NREP: variants seen among roughly 807,000 people sequenced by gnomAD.
The protein encoded by NREP is neuronal regeneration related protein, also known as neuronal regeneration-related protein.
NREP carries 5 observed loss-of-function variants against 8.6 expected under a neutral mutation model. The ratio of observed to expected loss-of-function variants is 0.58; its 90% confidence interval spans 0.30 to 1.22. The LOEUF (loss-of-function observed/expected upper bound fraction) is 1.22. Among genes scored for constraint, NREP ranks in the 50% most tolerant of loss-of-function variants. NREP has a pLI of 0.07. For synonymous variants in NREP, 27 were observed against 28.0 expected (o/e 0.96, Z 0.11); for missense variants, 86 against 82.5 (o/e 1.04, Z -0.17).
intron 2 of NREP, among the ~76,000 whole-genome samples, chr5:111,944,561 G>A (rs904658137): frequency 6.6e-6 from 1 of 152,080 alleles, no homozygotes; most frequent in African/African-American, 2.4e-5. Flanking sequence ...ACAGCCTTGG[G>A]CTCCCAAAGT....
At chr5:111,939,622 T>G (rs939386520) in intron 2 of NREP, among the ~76,000 whole-genome samples, 1 of 152,080 alleles carries the variant, frequency 6.6e-6, no homozygotes, top group Non-Finnish European at 1.5e-5. Context: ...CAAGGCAATA[T>G]TCTACCTCTT....
intron 2 of NREP, among the ~76,000 whole-genome samples, chr5:111,957,134 C>A (rs1756347334): frequency 6.8e-6 from 1 of 147,560 alleles, no homozygotes; most frequent in Non-Finnish European, 1.5e-5. Flanking sequence ...AGGGAGGAGG[C>A]AAGGAGAGAA....
At chr5:111,790,348 T>TG in intron 2 of NREP, among the ~76,000 whole-genome samples, 1 of 1,626 alleles carries the variant, frequency 6.2e-4, no homozygotes, top group East Asian at 0.021. Flanking sequence ...AAACCTTAAC[T>TG]TTTTTTTTTT....
rs1234921559 is a variant in NREP, at chr5:111,757,146, C to A, written c.-69G>T. 1 of 976,694 alleles carries A rather than the reference C, an allele frequency of 1.0e-6. No homozygotes were observed. Among genetic ancestry groups the A allele is most frequent in the Non-Finnish European group, 1.2e-6 (1 of 822,628 alleles). 60.5% of individuals were successfully genotyped at this position (976,694 alleles called of 1,614,324 possible). On this transcript the variant is annotated 5_prime_UTR_variant, in exon 1 of 4. Transcript: ENST00000257435. ...ATGGCATATACTTACAGACAAAAGC[C>A]CCGCTCCCTGTTCACTCTCTCTCCT...
At chr5:111,858,524 G>A (rs1753474501) in intron 2 of NREP, among the ~76,000 whole-genome samples, 1 of 152,058 alleles carries the variant, frequency 6.6e-6, no homozygotes, top group Admixed American at 6.6e-5. Context: ...TAAGAATTTA[G>A]CCTGTAATCC....
chr5:111,734,514 T>C (rs1748921359), intron 3 of NREP: 1 of 426,358 alleles, frequency 2.3e-6, no homozygotes, highest in Non-Finnish European at 4.2e-6. Context: ...TTAAAAGTGA[T>C]TTAAGATTGT....
intron 2 of NREP, among the ~76,000 whole-genome samples, chr5:111,903,101 T>G (rs79307242): frequency 6.7e-6 from 1 of 148,620 alleles, no homozygotes; most frequent in Non-Finnish European, 1.5e-5. Context: ...TTTTTTTTTT[T>G]GAGACAGAGT....
chr5:111,757,345 C>G (rs1750788288), upstream of NREP: 10 of 895,788 alleles, frequency 1.1e-5, no homozygotes, highest in South Asian at 4.1e-4. Flanking sequence ...GAAGTGCAGC[C>G]TTGGAAAAAG....
At chr5:111,950,964 C>T (rs999834656) in intron 2 of NREP, among the ~76,000 whole-genome samples, 1 of 152,066 alleles carries the variant, frequency 6.6e-6, no homozygotes, top group African/African-American at 2.4e-5. Context: ...ATTTGCCCTT[C>T]CCTGAGAGCA....
chr5:111,792,133 T>G (rs199641566), intron 2 of NREP, among the ~76,000 whole-genome samples: 2 of 152,202 alleles, frequency 1.3e-5, no homozygotes, highest in African/African-American at 4.8e-5. Context: ...TATGTATATT[T>G]TGACAGGCTG....
At chr5:111,757,731 C>T (rs1750824328), upstream of NREP, 6 of 984,706 alleles carry the variant, frequency 6.1e-6, no homozygotes, top group Non-Finnish European at 7.2e-6. Context: ...CCCGGCCCCG[C>T]CCCGGGAGCA....
chr5:111,825,674 T>C (rs1280584055), intron 2 of NREP, among the ~76,000 whole-genome samples: 3 of 152,198 alleles, frequency 2.0e-5, no homozygotes, highest in African/African-American at 7.2e-5. Context: ...GTTCACATCA[T>C]GAACTACTCT....
At chr5:111,955,889 A>G (rs1432151494) in intron 2 of NREP, among the ~76,000 whole-genome samples, 1 of 144,220 alleles carries the variant, frequency 6.9e-6, no homozygotes, top group Non-Finnish European at 1.5e-5. Context: ...TAAAAATCTC[A>G]TTCCTGTAGT....
At chr5:111,734,783 C>T (rs761889830) in intron 3 of NREP, 1 of 690,180 alleles carries the variant, frequency 1.4e-6, no homozygotes, top group Non-Finnish European at 2.6e-6. Context: ...GTATACTCTC[C>T]CCGCTTGAAG....
intron 2 of NREP, among the ~76,000 whole-genome samples, chr5:111,879,355 G>C (rs537798609): frequency 6.1e-4 from 93 of 152,232 alleles, no homozygotes; most frequent in Non-Finnish European, 9.9e-4. Flanking sequence ...AAAGCACTGA[G>C]GATAAAAGAT....
rs141737997 is a variant in NREP, at chr5:111,833,741, C to T, written c.136-98234G>A. Among the ~76,000 whole-genome samples the T allele has an allele frequency of 5.0e-4, 76 of 152,222 alleles. 2 individuals are homozygous for T. Among genetic ancestry groups the T allele is most frequent in the Middle Eastern group, 3.4e-3 (1 of 294 alleles). ...AGCCTCTGTCAGTAAGATTGATCAG[C>T]GTGGCTGATGGAGTGGCATACTCAT... On this transcript the variant is annotated intron_variant, in intron 2 of 3. Coordinates refer to the NREP transcript ENST00000395634.
At chr5:111,817,155 G>C (rs7712905) in intron 2 of NREP, among the ~76,000 whole-genome samples, 149,648 of 152,330 alleles carry the variant, frequency 0.98, 73,567 homozygotes, top group East Asian at 1. Context: ...TTGCTAAATT[G>C]ACTTTAACAG....
chr5:111,861,990 T>A (rs1753554377), intron 2 of NREP, among the ~76,000 whole-genome samples: 1 of 152,224 alleles, frequency 6.6e-6, no homozygotes, highest in Non-Finnish European at 1.5e-5. Flanking sequence ...ACTATTCTTC[T>A]AAATACTTAT....
intron 2 of NREP, among the ~76,000 whole-genome samples, chr5:111,856,868 G>C (rs1217783574): frequency 6.6e-6 from 1 of 152,052 alleles, no homozygotes; most frequent in East Asian, 1.9e-4. Flanking sequence ...TTGATTGGTT[G>C]GCGGCTGGTT....
Sources: gnomAD v4.1 joint callset for allele counts (sites outside exome capture counted in the v4.1 genomes callset) on GRCh38, gnomAD v4.1.1 for gene constraint, MANE v1.5 for transcripts, NCBI Gene and HGNC (gene_info 2026-07-23, HGNC 2026-07-21) for gene names.